Variants in LDB2 observed in about 807,000 individuals in gnomAD.
LDB2 encodes LIM domain binding 2, also known as LIM domain-binding protein 2.
LDB2 carries 12 observed loss-of-function variants against 44.3 expected under a neutral mutation model. The ratio of observed to expected loss-of-function variants is 0.27; its 90% CI spans 0.17 to 0.44. The LOEUF (loss-of-function observed/expected upper bound fraction) is 0.44, where lower values mean the gene tolerates loss of function less well. Ranked by LOEUF, LDB2 falls within the 20% of genes least tolerant of loss-of-function variation. The pLI is 1.00. For synonymous variants in LDB2, 164 were observed against 174.8 expected (o/e 0.94, Z 0.49); for missense variants, 344 against 473.5 (o/e 0.73, Z 2.54).
At chr4:16,694,646 G>A (rs1751667179) in intron 2 of LDB2, among the ~76,000 whole-genome samples, 1 of 152,102 alleles carries the variant, frequency 6.6e-6, no homozygotes, top group South Asian at 2.1e-4. Flanking sequence ...CTTATGATGG[G>A]GTGTGTGCGG....
At chr4:16,673,807 T>C (rs1021457451) in intron 2 of LDB2, among the ~76,000 whole-genome samples, 1 of 152,188 alleles carries the variant, frequency 6.6e-6, no homozygotes, top group African/African-American at 2.4e-5. Context: ...CAGTCCAGAA[T>C]GCTACATGCC....
chr4:16,688,420 G>A (rs988296348), intron 2 of LDB2, among the ~76,000 whole-genome samples: 2 of 152,168 alleles, frequency 1.3e-5, no homozygotes, highest in African/African-American at 4.8e-5. Context: ...GCAGCACTGA[G>A]AGGCCAGCTT....
At chr4:16,503,870 G>T (rs1172040904) in intron 7 of LDB2, among the ~76,000 whole-genome samples, 1 of 152,214 alleles carries the variant, frequency 6.6e-6, no homozygotes, top group Non-Finnish European at 1.5e-5. Context: ...CAGCTGGAGA[G>T]GCCAGGGATG....
chr4:16,510,419 G>C (rs1721279717), intron 6 of LDB2, among the ~76,000 whole-genome samples: 1 of 152,182 alleles, frequency 6.6e-6, no homozygotes, highest in Non-Finnish European at 1.5e-5. Flanking sequence ...GTTGAATAAA[G>C]GGTTGAGGAG....
intron 2 of LDB2, among the ~76,000 whole-genome samples, chr4:16,693,277 A>T (rs13110423): frequency 6.6e-6 from 1 of 151,714 alleles, no homozygotes; most frequent in East Asian, 1.9e-4. Flanking sequence ...GGCAACTGTC[A>T]TAGTCTCAGA....
chr4:16,648,717 C>T (rs2152521489), intron 2 of LDB2, among the ~76,000 whole-genome samples: 1 of 152,270 alleles, frequency 6.6e-6, no homozygotes, highest in South Asian at 2.1e-4. Flanking sequence ...AATTGCTTCT[C>T]TCAACTTAAC....
At chr4:16,853,306 T>C (rs1788647028) in intron 1 of LDB2, among the ~76,000 whole-genome samples, 1 of 151,968 alleles carries the variant, frequency 6.6e-6, no homozygotes, top group African/African-American at 2.4e-5. Context: ...AATAATCCAG[T>C]TAGAAAATGG....
chr4:16,595,818 G>A lies in LDB2; in HGVS notation c.293C>T (p.Thr98Ile). ...GTGTTTGAGAATGTAATACAGGTCG[G>A]TCACCCCTCCTTCAAACACAGTGCT... is the stretch of plus-strand genomic sequence containing the variant. ...YFSTVFEGGV[T>I]DLYYILKHSK... Residue 98 changes from threonine to isoleucine, a missense_variant, in exon 3 of 8, where the codon ACC becomes ATC. Thr to Ile is a moderately conservative substitution (Grantham distance 89, BLOSUM62 -1). Transcript: ENST00000304523. The A allele has an allele frequency of 6.2e-7, 1 of 1,613,604 alleles. No individual in the cohort carries two copies. The highest frequency in any genetic ancestry group is 1.1e-5 in the South Asian group (1 of 91,024).
At chr4:16,717,277 G>A (rs1003229331) in intron 2 of LDB2, among the ~76,000 whole-genome samples, 13 of 151,942 alleles carry the variant, frequency 8.6e-5, no homozygotes, top group Admixed American at 8.5e-4. Context: ...AGATGACTCC[G>A]CAGGGGAAAC....
At chr4:16,793,038 A>T (rs1776078259) in intron 1 of LDB2, among the ~76,000 whole-genome samples, 1 of 152,190 alleles carries the variant, frequency 6.6e-6, no homozygotes, top group Admixed American at 6.5e-5. Flanking sequence ...TATATTGTAC[A>T]GGATTTCAGG....
At chr4:16,639,147 C>T (rs1331469975) in intron 2 of LDB2, among the ~76,000 whole-genome samples, 2 of 152,136 alleles carry the variant, frequency 1.3e-5, no homozygotes, top group Non-Finnish European at 2.9e-5. Flanking sequence ...TACTTGGTTT[C>T]ACATTTTTCC....
At chr4:16,780,596 T>A (rs2109452898) in intron 1 of LDB2, among the ~76,000 whole-genome samples, 1 of 152,272 alleles carries the variant, frequency 6.6e-6, no homozygotes, top group East Asian at 1.9e-4. Flanking sequence ...ACTTGAAGAA[T>A]GCAAGCCAAG....
rs555942542 is a variant in LDB2 at position 16,669,753 on chromosome 4, C to T, written c.236-73878G>A. Among the ~76,000 whole-genome samples, 63 of 152,298 alleles carry T rather than the reference C, an allele frequency of 4.1e-4. No homozygotes were observed. The South Asian group carries it at 0.013, about 31-fold the overall frequency. ...CAATTTCTAATACTTAAAACCTGGG[C>T]TTGTCCTGTTCCATGGAGAGCTTAA... On this transcript the variant is annotated intron_variant, in intron 2 of 7. Transcript: ENST00000304523.
At chr4:16,571,034 T>C (rs1746344066) in intron 5 of LDB2, among the ~76,000 whole-genome samples, 1 of 152,132 alleles carries the variant, frequency 6.6e-6, no homozygotes, top group Middle Eastern at 3.2e-3. Context: ...AAACTTGGTA[T>C]GTTGGAAAAG....
At chr4:16,723,828 T>A (rs1261858206) in intron 2 of LDB2, among the ~76,000 whole-genome samples, 1 of 152,048 alleles carries the variant, frequency 6.6e-6, no homozygotes, top group Non-Finnish European at 1.5e-5. Flanking sequence ...GAGAGAGCCC[T>A]TCACTGACCT....
intron 1 of LDB2, among the ~76,000 whole-genome samples, chr4:16,820,610 G>A (rs1781767627): frequency 6.6e-6 from 1 of 152,208 alleles, no homozygotes; most frequent in Non-Finnish European, 1.5e-5. Flanking sequence ...TTAGGGCAGA[G>A]GCTCCAGAGG....
chr4:16,557,271 G>A (rs375551133), intron 5 of LDB2, among the ~76,000 whole-genome samples: 4 of 152,320 alleles, frequency 2.6e-5, no homozygotes, highest in African/African-American at 4.8e-5. Context: ...TGCCTTACTC[G>A]GGAAGCGCAA....
At chr4:16,692,092 G>A (rs17426931) in intron 2 of LDB2, among the ~76,000 whole-genome samples, 42,029 of 151,904 alleles carry the variant, frequency 0.28, 6,028 homozygotes, top group Non-Finnish European at 0.33. Flanking sequence ...CAGATTGAAA[G>A]TAGCAGCCTT....
At chr4:16,780,466 G>A (rs191309324) in intron 1 of LDB2, among the ~76,000 whole-genome samples, 41 of 152,144 alleles carry the variant, frequency 2.7e-4, no homozygotes, top group South Asian at 2.5e-3. Context: ...CAAGTGATCC[G>A]GCTGCCTCAG....
Sources: gnomAD v4.1 joint callset for allele counts (sites outside exome capture counted in the v4.1 genomes callset) on GRCh38, gnomAD v4.1.1 for gene constraint, MANE v1.5 for transcripts, NCBI Gene and HGNC (gene_info 2026-07-23, HGNC 2026-07-21) for gene names.